The following URGCP variants were observed in gnomAD, a reference collection of about 807,000 sequenced individuals.
The protein encoded by URGCP is upregulator of cell proliferation.
Under a neutral mutation model 24.6 loss-of-function variants are expected in URGCP, and 13 were observed. That is an observed-to-expected ratio of 0.53 (90% confidence interval 0.34 to 0.84). The LOEUF is 0.84. Ranked by LOEUF, URGCP falls within the 40% of genes least tolerant of loss-of-function variation. The probability of loss-of-function intolerance (pLI) is 0.01; values close to 1 mark genes in which losing one functional copy is unlikely to be tolerated. For synonymous variants in URGCP, 444 were observed against 487.2 expected (o/e 0.91, Z 1.17); for missense variants, 899 against 1,194.3 (o/e 0.75, Z 3.64).
intron 1 of URGCP, among the ~76,000 whole-genome samples, chr7:43,914,831 A>T (rs924957671): frequency 2.6e-5 from 4 of 152,130 alleles, no homozygotes; most frequent in African/African-American, 9.7e-5. Flanking sequence ...CTCTTTACTG[A>T]TACTACTGAT....
intron 3 of URGCP, among the ~76,000 whole-genome samples, chr7:43,883,993 G>T (rs1268644119): frequency 1.3e-5 from 2 of 152,222 alleles, no homozygotes; most frequent in East Asian, 3.8e-4. Flanking sequence ...AAAATGGTTA[G>T]AGAAAAGAAT....
At position 43,878,437 on chromosome 7, in the gene URGCP, C is replaced by A. The variant is rs1160836795; in HGVS notation, c.1026G>T (p.Gly342=). Reference sequence around the variant, plus strand: ...AGAGCTTAAACTGCAGCCAGTGAGACCCGATGTCACCTCTCAGGTTCAGAA... The same window carrying A: ...AGAGCTTAAACTGCAGCCAGTGAGAACCGATGTCACCTCTCAGGTTCAGAA... ...VAFLNLRGDI[G]SHWLQFKLLT... The change falls in exon 6 of 6, where the codon GGG becomes GGT. Residue 342 remains glycine (G), a synonymous_variant. Coordinates refer to ENST00000453200, the MANE Select transcript of URGCP (RefSeq NM_001077663.3). This position sits in a 1 kb window ranked among gnomAD's most constrained non-coding sequence, Gnocchi z 5.6. The A allele has an allele frequency of 6.2e-7, 1 of 1,614,034 alleles. No homozygotes were observed. Among genetic ancestry groups the A allele is most frequent in the Non-Finnish European group, 8.5e-7 (1 of 1,180,034 alleles).
intron 1 of URGCP, among the ~76,000 whole-genome samples, chr7:43,917,669 T>C (rs1416369323): frequency 1.3e-5 from 2 of 152,202 alleles, no homozygotes; most frequent in African/African-American, 2.4e-5. Flanking sequence ...GAGGTTACCT[T>C]TGGTAATGTT....
At chr7:43,900,404 G>A (rs367997039) in intron 1 of URGCP, among the ~76,000 whole-genome samples, 7 of 137,952 alleles carry the variant, frequency 5.1e-5, no homozygotes, top group African/African-American at 2.8e-5. Flanking sequence ...GAAGTGAGCT[G>A]AGATCACACC....
intron 1 of URGCP, among the ~76,000 whole-genome samples, chr7:43,925,782 G>A (rs916549565): frequency 2.2e-5 from 3 of 137,630 alleles, no homozygotes; most frequent in African/African-American, 8.0e-5. Context: ...TTATAGGCGT[G>A]AGCCACCTCG....
upstream of URGCP, chr7:43,926,674 C>T (rs1260229822): frequency 3.5e-6 from 4 of 1,138,396 alleles, no homozygotes; most frequent in African/African-American, 3.3e-5. Context: ...ATACACCTGC[C>T]TGGGAAGGAG....
At chr7:43,912,746 G>A (rs756450540) in intron 1 of URGCP, among the ~76,000 whole-genome samples, 3 of 152,028 alleles carry the variant, frequency 2.0e-5, no homozygotes, top group Non-Finnish European at 2.9e-5. Flanking sequence ...TTAATATTTT[G>A]TAGCAATTTG....
intron 1 of URGCP, among the ~76,000 whole-genome samples, chr7:43,921,123 G>A (rs1421225296): frequency 2.0e-5 from 3 of 152,132 alleles, no homozygotes; most frequent in South Asian, 2.1e-4. Flanking sequence ...TCAGGAGATC[G>A]AGACCATCTG....
chr7:43,881,317 C>T lies in URGCP; in HGVS notation c.202+342G>A, dbSNP rs765245857. The T allele has an allele frequency of 2.1e-5, 14 of 680,014 alleles. 1 individual carries two copies. The highest frequency in any genetic ancestry group is 1.1e-4 in the African/African-American group (6 of 55,362). The allele number at this position is 680,014 out of a possible 1,614,324, so 42.1% of individuals were successfully genotyped here. On this transcript the variant is annotated intron_variant, in intron 5 of 5. Coordinates refer to ENST00000453200, the MANE Select transcript of URGCP (RefSeq NM_001077663.3). ...TGGACCAGATAAATCGTTTCCAAAC[C>T]GGGCTGTACATTAGAATCAATCACT... is the stretch of plus-strand genomic sequence containing the variant.
intron 2 of URGCP, 45 bp from the exon 3 acceptor site, chr7:43,887,530 C>A (rs1350334142): frequency 4.4e-6 from 7 of 1,601,786 alleles, no homozygotes; most frequent in Non-Finnish European, 6.0e-6. Flanking sequence ...AAATGGAATA[C>A]CACTTTCACC....
intron 1 of URGCP, among the ~76,000 whole-genome samples, chr7:43,900,727 A>G (rs2095889093): frequency 6.6e-6 from 1 of 152,172 alleles, no homozygotes; most frequent in African/African-American, 2.4e-5. Context: ...CTGGGATTAC[A>G]GGCGTAAGCC....
chr7:43,897,423 A>T (rs1237971667), intron 1 of URGCP, among the ~76,000 whole-genome samples: 1 of 152,086 alleles, frequency 6.6e-6, no homozygotes, highest in Non-Finnish European at 1.5e-5. Context: ...CCGCAGGCAT[A>T]GCCGGGGCAA....
upstream of URGCP, among the ~76,000 whole-genome samples, chr7:43,911,036 C>G (rs1562588840): frequency 6.6e-6 from 1 of 152,100 alleles, no homozygotes; most frequent in African/African-American, 2.4e-5. Context: ...AACTTCAATA[C>G]CCCACTTTCA....
Position 43,919,482 on chromosome 7 carries a change from C to T in URGCP, c.-116+6650G>A, listed in dbSNP as rs558022291. The T allele has an allele frequency of 4.5e-6, 5 of 1,113,580 alleles. No homozygotes were observed. The African/African-American group carries it at 6.1e-5, about 14-fold the overall frequency. 69.0% of individuals were successfully genotyped at this position (1,113,580 alleles called of 1,614,324 possible). On this transcript the variant is annotated intron_variant, in intron 1 of 5. Transcript: ENST00000426198. ...CATAGGCCTCATCGCCTCACTCATTCCCACCCCATGGCTCCACTTTCTCAT... is the reference window on the plus strand; with the variant it reads ...CATAGGCCTCATCGCCTCACTCATTTCCACCCCATGGCTCCACTTTCTCAT...
At chr7:43,901,275 C>G (rs548076796) in intron 1 of URGCP, among the ~76,000 whole-genome samples, 82 of 152,320 alleles carry the variant, frequency 5.4e-4, no homozygotes, top group African/African-American at 1.9e-3. Context: ...GGGGTGGGCT[C>G]TTCAGTCCAT....
chr7:43,921,187 G>A (rs1440173004), intron 1 of URGCP, among the ~76,000 whole-genome samples: 5 of 152,058 alleles, frequency 3.3e-5, no homozygotes, highest in Non-Finnish European at 7.4e-5. Flanking sequence ...TTAGCCGGGC[G>A]TGGTGGTGGG....
At chr7:43,906,666 C>A, upstream of URGCP, 1 of 1,119,914 alleles carries the variant, frequency 8.9e-7, no homozygotes, top group Non-Finnish European at 1.1e-6. Context: ...GCCGGCCGCC[C>A]GCCCGCTCCG....
rs2095915757 is a variant in URGCP, at chr7:43,916,649, C to A, written c.-116+9483G>T. On this transcript the variant is annotated intron_variant, in intron 1 of 5. Transcript: ENST00000426198. Reference sequence around the variant, plus strand: ...AAATGAGGTCTAGGGAATGCAAAGGCTATTGACAACAGAGAAGATAAGGCA... The same window carrying A: ...AAATGAGGTCTAGGGAATGCAAAGGATATTGACAACAGAGAAGATAAGGCA... Among the ~76,000 whole-genome samples, 3 of 151,234 alleles carry A rather than the reference C, an allele frequency of 2.0e-5. No individual in the cohort carries two copies. In the South Asian group the frequency reaches 6.3e-4, roughly 32 times the overall value.
chr7:43,924,428 G>A, intron 1 of URGCP, among the ~76,000 whole-genome samples: 1 of 152,056 alleles, frequency 6.6e-6, no homozygotes, highest in East Asian at 1.9e-4. Flanking sequence ...TGAGATTTGA[G>A]ACTTCAAAAC....
Sources: allele counts gnomAD v4.1 joint callset (sites outside exome capture counted in the v4.1 genomes callset), GRCh38; gene constraint gnomAD v4.1.1; non-coding constraint Gnocchi (gnomAD v3.1); transcripts MANE v1.5; gene names NCBI Gene and HGNC (gene_info 2026-07-23, HGNC 2026-07-21).